The following DOCK1 variants were observed in gnomAD, a reference collection of about 807,000 sequenced individuals.
The protein encoded by DOCK1 is dedicator of cytokinesis protein 1.
DOCK1 carries 138 observed loss-of-function variants against 262.7 expected under a neutral mutation model. The observed-to-expected ratio is 0.53, with a 90% CI of 0.46 to 0.61. The LOEUF is 0.61. DOCK1 is among the 20% of genes least tolerant of loss of function. The pLI is 0.00. For missense variants in DOCK1, 1,908 were observed against 2,370.7 expected (o/e 0.80, Z 4.05); for synonymous variants, 866 against 867.4 (o/e 1.00, Z 0.03).
intron 29 of DOCK1, among the ~76,000 whole-genome samples, chr10:127,277,780 C>A (rs1176763643): frequency 2.0e-5 from 3 of 152,100 alleles, no homozygotes; most frequent in African/African-American, 7.2e-5. Flanking sequence ...GAACTGAAGA[C>A]AATCGATGAA....
chr10:127,273,878 CAAA>C (rs5788832), intron 29 of DOCK1, among the ~76,000 whole-genome samples: 1 of 136,886 alleles, frequency 7.3e-6, no homozygotes, highest in Non-Finnish European at 1.6e-5. Flanking sequence ...GAGACTGTCT[CAAA>C]AAAAAAAAAA....
intron 31 of DOCK1, among the ~76,000 whole-genome samples, chr10:127,346,967 C>T (rs2063661356): frequency 1.3e-5 from 2 of 152,178 alleles, no homozygotes; most frequent in South Asian, 4.1e-4. Flanking sequence ...AGGACAAAGC[C>T]CCCGGAGCCT....
chr10:127,373,749 T>G, intron 33 of DOCK1, 32 bp from the exon 34 acceptor site: 1 of 1,558,804 alleles, frequency 6.4e-7, no homozygotes, highest in Non-Finnish European at 8.8e-7. Flanking sequence ...CTCGCCATGC[T>G]GATTATTTAC....
chr10:127,070,239 T>G (rs148278111), intron 23 of DOCK1, among the ~76,000 whole-genome samples: 2 of 147,916 alleles, frequency 1.4e-5, no homozygotes, highest in East Asian at 4.1e-4. Flanking sequence ...GGTTGGAACT[T>G]GAATTTAGCC....
At chr10:127,275,074 T>C (rs1287733484) in intron 29 of DOCK1, among the ~76,000 whole-genome samples, 1 of 152,046 alleles carries the variant, frequency 6.6e-6, no homozygotes, top group Admixed American at 6.6e-5. Context: ...AGAAGAAAGG[T>C]AAGGCTAGAA....
intron 29 of DOCK1, among the ~76,000 whole-genome samples, chr10:127,294,208 A>G (rs542222050): frequency 6.6e-6 from 1 of 152,212 alleles, no homozygotes; most frequent in Non-Finnish European, 1.5e-5. Flanking sequence ...TTATAATGCA[A>G]TAGAACAGAT....
At chr10:127,261,412 T>TGC (rs2060105660) in intron 29 of DOCK1, among the ~76,000 whole-genome samples, 1 of 140,402 alleles carries the variant, frequency 7.1e-6, no homozygotes, top group South Asian at 2.3e-4. Context: ...CATGTGGGTG[T>TGC]GTGTGTACCC....
At chr10:127,162,967 C>G (rs956651528) in intron 27 of DOCK1, among the ~76,000 whole-genome samples, 2 of 152,186 alleles carry the variant, frequency 1.3e-5, no homozygotes, top group Non-Finnish European at 2.9e-5. Context: ...TGAACAGTAG[C>G]ACTCCTTCCA....
rs754378814 is a variant in DOCK1, at chr10:127,175,631, G to T, written c.2847+47867G>T. The T allele has an allele frequency of 3.7e-6, 6 of 1,613,182 alleles. No individual in the cohort carries two copies. ...TGGCACTGAGGGCAGGTGCGTAAAC[G>T]GTGGCAACCTCCGTTTTAAACACCC... is the stretch of plus-strand genomic sequence containing the variant. On this transcript the variant is annotated intron_variant, in intron 27 of 51. Coordinates refer to ENST00000623213, the MANE Select transcript of DOCK1 (RefSeq NM_001290223.2). This position sits in a 1 kb window ranked among gnomAD's most constrained non-coding sequence, Gnocchi z 6.3.
intron 27 of DOCK1, among the ~76,000 whole-genome samples, chr10:127,232,394 A>G (rs2058881710): frequency 6.6e-6 from 1 of 152,170 alleles, no homozygotes; most frequent in Admixed American, 6.5e-5. Context: ...CTTGCTGGAT[A>G]CTGTGGCTGG....
chr10:127,110,904 T>C (rs528310083), intron 25 of DOCK1, among the ~76,000 whole-genome samples: 1 of 152,336 alleles, frequency 6.6e-6, no homozygotes, highest in Non-Finnish European at 1.5e-5. Flanking sequence ...CAGATTAAAT[T>C]AATATTTTAC....
At chr10:127,373,265 C>T (rs2065305593) in intron 33 of DOCK1, among the ~76,000 whole-genome samples, 1 of 152,100 alleles carries the variant, frequency 6.6e-6, no homozygotes, top group African/African-American at 2.4e-5. Context: ...GACATTGCTC[C>T]TCTTGCTCTT....
At chr10:126,949,664 C>T (rs1403330803) in intron 1 of DOCK1, among the ~76,000 whole-genome samples, 1 of 152,066 alleles carries the variant, frequency 6.6e-6, no homozygotes, top group Non-Finnish European at 1.5e-5. Flanking sequence ...AAAATGTAGG[C>T]GTTTGACTGA....
intron 45 of DOCK1, 146 bp from the exon 46 acceptor site, chr10:127,419,520 G>T: frequency 1.4e-6 from 1 of 719,178 alleles, no homozygotes. Flanking sequence ...TGGGTGCTGC[G>T]AAGGGTGTGA....
At chr10:127,108,682 CATT>C (rs776562196) in intron 24 of DOCK1, among the ~76,000 whole-genome samples, 36 of 152,332 alleles carry the variant, frequency 2.4e-4, no homozygotes, top group South Asian at 1.9e-3. Context: ...TCTGCATCAT[CATT>C]GTTAGTAACT....
At chr10:126,963,668 T>TTCCG (rs2037451267) in intron 1 of DOCK1, among the ~76,000 whole-genome samples, 1 of 121,252 alleles carries the variant, frequency 8.2e-6, no homozygotes, top group Non-Finnish European at 1.8e-5. Flanking sequence ...CCTTCCTTCC[T>TTCCG]TCCTCCCTCC....
chr10:127,282,872 G>A (rs2061012086), intron 29 of DOCK1, among the ~76,000 whole-genome samples: 1 of 152,254 alleles, frequency 6.6e-6, no homozygotes, highest in Admixed American at 6.5e-5. Flanking sequence ...TCTGCAGAGT[G>A]ATAGTGGGGA....
chr10:127,066,905 G>T (rs1174729607), intron 23 of DOCK1, among the ~76,000 whole-genome samples: 2 of 152,210 alleles, frequency 1.3e-5, no homozygotes, highest in African/African-American at 4.8e-5. Context: ...ACCCTGGTTG[G>T]CTAGTTCCAG....
At chr10:127,243,713 C>T (rs999166142) in intron 27 of DOCK1, among the ~76,000 whole-genome samples, 1 of 152,098 alleles carries the variant, frequency 6.6e-6, no homozygotes, top group African/African-American at 2.4e-5. Context: ...AAGGCCACAC[C>T]AACAGGGGGA....
Sources: allele counts gnomAD v4.1 joint callset (sites outside exome capture counted in the v4.1 genomes callset), GRCh38; gene constraint gnomAD v4.1.1; non-coding constraint Gnocchi (gnomAD v3.1); transcripts MANE v1.5; gene names NCBI Gene and HGNC (gene_info 2026-07-23, HGNC 2026-07-21).